COMMD1: variants seen among roughly 807,000 people sequenced by gnomAD.
COMMD1 encodes COMM domain-containing protein 1.
In COMMD1, 10 loss-of-function variants were observed where a neutral mutation model predicts 17.2. The observed-to-expected ratio is 0.58, with a 90% CI of 0.36 to 0.99. The LOEUF (loss-of-function observed/expected upper bound fraction) is 0.99. Ranked by LOEUF, COMMD1 falls within the 50% of genes least tolerant of loss-of-function variation. The pLI is 0.01. For missense variants in COMMD1, 270 were observed against 231.8 expected (o/e 1.17, Z -1.07); for synonymous variants, 97 against 91.6 (o/e 1.06, Z -0.34).
In COMMD1 at chr2:61,913,286, G is replaced by T. The variant is rs555390444; in HGVS notation, c.180+7428G>T. On this transcript the variant is annotated intron_variant, in intron 1 of 2. Transcript: ENST00000311832. Reference sequence around the variant, plus strand: ...GGAAGCTGAGGCAGGAGAATCCCTTGAACCTGGGAGGCGGAGGTTGTGGTG... The same window carrying T: ...GGAAGCTGAGGCAGGAGAATCCCTTTAACCTGGGAGGCGGAGGTTGTGGTG... 2.0e-5 allele frequency among the ~76,000 whole-genome samples: 3 copies of T among 147,858 alleles called. No individual in the cohort carries two copies. The South Asian group carries it at 6.4e-4, about 32-fold the overall frequency.
chr2:61,948,810 C>T (rs1227324134), intron 1 of COMMD1, among the ~76,000 whole-genome samples: 2 of 152,166 alleles, frequency 1.3e-5, no homozygotes, highest in East Asian at 3.8e-4. Flanking sequence ...TCATTTTTAG[C>T]CCCAGGTGGT....
At chr2:62,091,936 C>T (rs1400800499) in intron 2 of COMMD1, among the ~76,000 whole-genome samples, 1 of 152,096 alleles carries the variant, frequency 6.6e-6, no homozygotes, top group Non-Finnish European at 1.5e-5. Context: ...ATAGAGGTAC[C>T]CTAAAAACTG....
rs559121820 is a variant in COMMD1 at position 61,899,995 on chromosome 2, G to T, written n.119+11153G>T. Among the ~76,000 whole-genome samples, 5 of 152,284 alleles carry T rather than the reference G, an allele frequency of 3.3e-5. No homozygotes were observed. The East Asian group carries it at 9.7e-4, about 29-fold the overall frequency. On this transcript the variant is annotated intron_variant and non_coding_transcript_variant, in intron 1 of 2. Coordinates refer to the COMMD1 transcript ENST00000472729. ...CCTGTATTTTCACTTGCTTCTAAAAGAGTAATGTATTTCTTGTGAAGGTTA... is the reference window on the plus strand; with the variant it reads ...CCTGTATTTTCACTTGCTTCTAAAATAGTAATGTATTTCTTGTGAAGGTTA...
intron 1 of COMMD1, among the ~76,000 whole-genome samples, chr2:61,947,613 G>A (rs1670941541): frequency 6.6e-6 from 1 of 151,982 alleles, no homozygotes; most frequent in African/African-American, 2.4e-5. Context: ...AACCCAAGAG[G>A]CAGAGGTTGC....
intron 1 of COMMD1, among the ~76,000 whole-genome samples, chr2:61,942,330 CT>C (rs1376032449): frequency 2.0e-5 from 3 of 152,132 alleles, no homozygotes; most frequent in African/African-American, 7.2e-5. Context: ...TCTCGAACTC[CT>C]GACCTCAGGT....
chr2:62,058,434 A>G (rs1670769979), intron 2 of COMMD1, among the ~76,000 whole-genome samples: 1 of 152,144 alleles, frequency 6.6e-6, no homozygotes, highest in Non-Finnish European at 1.5e-5. Context: ...TGCCTAGGCT[A>G]GTCTCAAACT....
At chr2:62,062,329 C>T (rs1573133626) in intron 2 of COMMD1, among the ~76,000 whole-genome samples, 2 of 151,956 alleles carry the variant, frequency 1.3e-5, no homozygotes, top group East Asian at 1.9e-4. Flanking sequence ...CAGGTTCAAG[C>T]GATTCTCCTG....
intron 1 of COMMD1, among the ~76,000 whole-genome samples, chr2:61,995,028 C>A (rs536353001): frequency 1.3e-4 from 20 of 152,308 alleles, no homozygotes; most frequent in South Asian, 4.1e-4. Context: ...CTCCTAGGCT[C>A]CATTGCCCTA....
intron 2 of COMMD1, among the ~76,000 whole-genome samples, chr2:62,034,929 A>G (rs1670000794): frequency 6.6e-6 from 1 of 152,222 alleles, no homozygotes; most frequent in African/African-American, 2.4e-5. Context: ...CTTCATCATC[A>G]TCTTTGCTCT....
At chr2:62,017,560 C>G (rs1419852965) in intron 2 of COMMD1, among the ~76,000 whole-genome samples, 1 of 151,760 alleles carries the variant, frequency 6.6e-6, no homozygotes, top group Admixed American at 6.6e-5. Context: ...GTCCCAGCTG[C>G]TTGGTAGACT....
intron 1 of COMMD1, among the ~76,000 whole-genome samples, chr2:61,893,455 G>C (rs1252589246): frequency 6.6e-6 from 1 of 151,956 alleles, no homozygotes; most frequent in Non-Finnish European, 1.5e-5. Context: ...TGTGATGTGT[G>C]AGTAAACAGC....
intron 1 of COMMD1, among the ~76,000 whole-genome samples, chr2:62,000,287 T>G (rs2103802176): frequency 6.6e-6 from 1 of 151,506 alleles, no homozygotes; most frequent in East Asian, 1.9e-4. Flanking sequence ...TTTTTTTTTT[T>G]TTTGAGACAG....
At chr2:62,115,470 A>AT (rs1044525095) in intron 2 of COMMD1, among the ~76,000 whole-genome samples, 1 of 152,266 alleles carries the variant, frequency 6.6e-6, no homozygotes, top group Non-Finnish European at 1.5e-5. Flanking sequence ...TAGTGAGAAC[A>AT]TTCAATGTGG....
intron 1 of COMMD1, among the ~76,000 whole-genome samples, chr2:61,939,727 TATAA>T (rs1484595226): frequency 2.0e-5 from 3 of 151,634 alleles, no homozygotes; most frequent in African/African-American, 7.2e-5. Flanking sequence ...TGCTCTAAAC[TATAA>T]ATAACTATAA....
chr2:62,019,203 C>G (rs1469117642), intron 2 of COMMD1, among the ~76,000 whole-genome samples: 1 of 139,956 alleles, frequency 7.1e-6, no homozygotes, highest in Admixed American at 7.6e-5. Context: ...GATGGAGTTT[C>G]ACTCTTGTTG....
upstream of COMMD1, among the ~76,000 whole-genome samples, chr2:61,903,803 A>G (rs1223688076): frequency 1.3e-5 from 2 of 152,000 alleles, no homozygotes; most frequent in African/African-American, 4.8e-5. Flanking sequence ...CAGCCTCCCA[A>G]AGTGCTGGGG....
chr2:61,955,911 T>C (rs996498830), intron 1 of COMMD1, among the ~76,000 whole-genome samples: 3 of 152,186 alleles, frequency 2.0e-5, no homozygotes, highest in Non-Finnish European at 4.4e-5. Context: ...GGTCTTGAAC[T>C]CCTGACCTCA....
intron 2 of COMMD1, among the ~76,000 whole-genome samples, chr2:62,085,772 G>A (rs1181467354): frequency 3.3e-5 from 5 of 151,398 alleles, no homozygotes; most frequent in Non-Finnish European, 7.4e-5. Context: ...GAGGTCAGGA[G>A]ATCGAGACCA....
At chr2:61,892,361 A>G (rs774735953) in intron 1 of COMMD1, among the ~76,000 whole-genome samples, 62 of 152,084 alleles carry the variant, frequency 4.1e-4, no homozygotes, top group Non-Finnish European at 1.6e-4. Context: ...TAGACCCTCA[A>G]TAATAGGACT....
Sources: gnomAD v4.1 joint callset for allele counts (sites outside exome capture counted in the v4.1 genomes callset) on GRCh38, gnomAD v4.1.1 for gene constraint, MANE v1.5 for transcripts, NCBI Gene and HGNC (gene_info 2026-07-23, HGNC 2026-07-21) for gene names.